The following WDR35 variants were observed in gnomAD, a reference collection of about 807,000 sequenced individuals.
WDR35 encodes WD repeat-containing protein 35.
WDR35 carries 118 observed loss-of-function variants against 158.3 expected under a neutral mutation model. That is an observed-to-expected ratio of 0.75 (90% CI 0.64 to 0.87). The LOEUF (loss-of-function observed/expected upper bound fraction) is 0.87. Among genes scored for constraint, WDR35 ranks in the 40% least tolerant of loss-of-function variants. The pLI, the probability that WDR35 is intolerant of heterozygous loss-of-function variation, is 0.00. For synonymous variants in WDR35, 448 were observed against 476.1 expected (o/e 0.94, Z 0.77); for missense variants, 1,263 against 1,405.8 (o/e 0.90, Z 1.62).
intron 10 of WDR35, among the ~76,000 whole-genome samples, chr2:19,960,888 G>C (rs1671627912): frequency 6.6e-6 from 1 of 152,130 alleles, no homozygotes; most frequent in South Asian, 2.1e-4. Context: ...AAGTACTCTG[G>C]CTACTTTTCA....
At chr2:19,920,896 A>G (rs757725155) in intron 25 of WDR35, among the ~76,000 whole-genome samples, 11 of 152,254 alleles carry the variant, frequency 7.2e-5, no homozygotes, top group Non-Finnish European at 1.5e-4. Flanking sequence ...AGGATACAAA[A>G]TCAATGTGCA....
intron 25 of WDR35, among the ~76,000 whole-genome samples, chr2:19,926,700 G>C (rs934389233): frequency 1.3e-5 from 2 of 152,232 alleles, no homozygotes; most frequent in African/African-American, 4.8e-5. Context: ...GAAACCAGCT[G>C]CAAAGACAGA....
intron 13 of WDR35, among the ~76,000 whole-genome samples, chr2:19,948,946 T>C (rs190445921): frequency 4.6e-5 from 7 of 150,976 alleles, no homozygotes; most frequent in Non-Finnish European, 1.0e-4. Flanking sequence ...AAAAAAGAGA[T>C]AAGATCCCTT....
chr2:19,978,950 A>G (rs1415686131), intron 4 of WDR35, 71 bp from the exon 5 acceptor site: 6 of 1,590,866 alleles, frequency 3.8e-6, no homozygotes, highest in Non-Finnish European at 4.3e-6. Context: ...AAGAATTGAA[A>G]GCATTCCATA....
At chr2:19,948,941 AG>A (rs1204494953) in intron 13 of WDR35, among the ~76,000 whole-genome samples, 1 of 152,080 alleles carries the variant, frequency 6.6e-6, no homozygotes. Flanking sequence ...TGAAGAAAAA[AG>A]AGATAAGATC....
At position 19,918,840 on chromosome 2, in the gene WDR35, A is replaced by G. The variant is rs182992693; in HGVS notation, c.3122-4563T>C. 2.8e-4 allele frequency among the ~76,000 whole-genome samples: 43 copies of G among 152,304 alleles called. No individual in the cohort carries two copies. The East Asian group carries it at 5.8e-3, about 21-fold the overall frequency. On this transcript the variant is annotated intron_variant, in intron 25 of 26. Transcript: ENST00000281405. ...GTTGTCAATATTAGACAGATCAACA[A>G]GACAGAAAATTAACAAGGATATGCA...
chr2:19,969,833 C>T (rs1474266678), intron 8 of WDR35, among the ~76,000 whole-genome samples: 2 of 151,514 alleles, frequency 1.3e-5, no homozygotes, highest in African/African-American at 2.4e-5. Context: ...CTGCAAGCTC[C>T]GCCTCCCAGG....
intron 25 of WDR35, among the ~76,000 whole-genome samples, chr2:19,918,679 T>C (rs144097187): frequency 6.6e-6 from 1 of 152,260 alleles, no homozygotes; most frequent in African/African-American, 2.4e-5. Context: ...AAGGGATCAA[T>C]GCAACAAGAA....
intron 2 of WDR35, among the ~76,000 whole-genome samples, chr2:19,986,237 AAC>A (rs1427756501): frequency 4.6e-5 from 7 of 152,330 alleles, no homozygotes; most frequent in Admixed American, 4.6e-4. Flanking sequence ...TTCGGTTTTG[AAC>A]ACAGTAAATA....
At position 19,960,408 on chromosome 2, in the gene WDR35, T is replaced by G. The variant is rs976025890; in HGVS notation, c.1255+146A>C. ...TTCTACCATGGTAACAGATATAAAC[T>G]GGTACTGGATCTGACAAAGTAGGAA... On this transcript the variant is annotated intron_variant, in intron 11 of 26. Transcript: ENST00000281405. 5 of 643,538 alleles carry G rather than the reference T, an allele frequency of 7.8e-6. No homozygotes were observed. The African/African-American group carries it at 9.1e-5, about 12-fold the overall frequency. The allele number at this position is 643,538 out of a possible 1,614,324, so 39.9% of individuals were successfully genotyped here.
At chr2:19,919,254 G>A (rs538867182) in intron 25 of WDR35, among the ~76,000 whole-genome samples, 16 of 151,748 alleles carry the variant, frequency 1.1e-4, no homozygotes, top group Middle Eastern at 3.4e-3. Context: ...GGTGGCGGGC[G>A]CCTGTAGTCC....
chr2:19,982,034 G>T (rs990793681), intron 3 of WDR35, among the ~76,000 whole-genome samples: 1 of 152,106 alleles, frequency 6.6e-6, no homozygotes, highest in African/African-American at 2.4e-5. Flanking sequence ...AACTTACAAT[G>T]GTACTACTTA....
rs1436589273 is a variant in WDR35 at position 19,946,576 on chromosome 2, G to C, written c.1525-6C>G. ...ATGGTGCCAGATTCACGACCCTATG[G>C]AAATTACTTTTGATTACTTAAGCAT... On this transcript the variant is annotated splice_region_variant and splice_polypyrimidine_tract_variant and intron_variant, in intron 14 of 26. Coordinates refer to ENST00000281405, the MANE Select transcript of WDR35 (RefSeq NM_020779.4). 6.2e-7 allele frequency: 1 copy of C among 1,612,186 alleles called. No homozygotes were observed. The highest frequency in any genetic ancestry group is 8.5e-7 in the Non-Finnish European group (1 of 1,178,538).
chr2:19,989,185 A>C lies in WDR35; in HGVS notation c.122T>G (p.Leu41Trp). Residue 41 changes from leucine to tryptophan, a missense_variant, in exon 2 of 27, where the codon TTG (leucine) becomes TGG (tryptophan). Physicochemically the swap from Leu to Trp is moderately conservative, Grantham distance 61. Transcript: ENST00000281405. The part of the protein sequence containing the change: ...CGGEDGLLKV[L>W]KLETQTDDAK... ...TTTACCTGTCTGCGTCTCTAATTTC[A>C]AAACTTTCAGTAATCCATCTTCACC... 6.2e-7 allele frequency: 1 copy of C among 1,614,232 alleles called. No homozygotes were observed.
At chr2:19,924,215 A>G (rs977806897) in intron 25 of WDR35, among the ~76,000 whole-genome samples, 2 of 152,180 alleles carry the variant, frequency 1.3e-5, no homozygotes, top group African/African-American at 4.8e-5. Flanking sequence ...GCTATAAAAC[A>G]GGGACCAAAA....
At chr2:19,916,428 C>T (rs1009608194) in intron 25 of WDR35, among the ~76,000 whole-genome samples, 1 of 152,206 alleles carries the variant, frequency 6.6e-6, no homozygotes, top group African/African-American at 2.4e-5. Context: ...AGCCAGGGAG[C>T]CAAGGGGTCT....
intron 5 of WDR35, 115 bp from the exon 6 acceptor site, chr2:19,975,778 T>C (rs780121404): frequency 1.7e-5 from 23 of 1,375,608 alleles, no homozygotes; most frequent in Non-Finnish European, 2.1e-5. Context: ...ATGCATTCAT[T>C]CAATTTATTT....
chr2:19,915,921 A>C (rs1572303836), intron 25 of WDR35, among the ~76,000 whole-genome samples: 1 of 30,450 alleles, frequency 3.3e-5, no homozygotes, highest in Non-Finnish European at 1.3e-4. Flanking sequence ...ACTCCATCTA[A>C]AAAAAAAAAA....
At chr2:19,974,159 C>T (rs1672122068) in intron 7 of WDR35, among the ~76,000 whole-genome samples, 1 of 151,946 alleles carries the variant, frequency 6.6e-6, no homozygotes, top group African/African-American at 2.4e-5. Flanking sequence ...GCCTGTAATC[C>T]CAGCACTTTG....
Sources: gnomAD v4.1 joint callset for allele counts (sites outside exome capture counted in the v4.1 genomes callset) on GRCh38, gnomAD v4.1.1 for gene constraint, MANE v1.5 for transcripts, NCBI Gene and HGNC (gene_info 2026-07-23, HGNC 2026-07-21) for gene names.